HIP1: variants seen among roughly 807,000 people sequenced by gnomAD.
HIP1 encodes huntingtin-interacting protein 1.
HIP1 carries 65 observed loss-of-function variants against 147.6 expected under a neutral mutation model. That is an observed-to-expected ratio of 0.44 (90% CI 0.36 to 0.54). The LOEUF (loss-of-function observed/expected upper bound fraction) is 0.54. HIP1 is among the 20% of genes least tolerant of loss of function. The pLI, the probability that HIP1 is intolerant of heterozygous loss-of-function variation, is 0.00. For missense variants in HIP1, 1,061 were observed against 1,299.6 expected, an observed-to-expected ratio of 0.82 and a Z score of 2.82; for synonymous variants, 479 against 504.0, an observed-to-expected ratio of 0.95 and a Z score of 0.67.
At chr7:75,589,950 G>T (rs1796440221) in intron 4 of HIP1, among the ~76,000 whole-genome samples, 2 of 151,800 alleles carry the variant, frequency 1.3e-5, no homozygotes, top group Admixed American at 1.3e-4. Flanking sequence ...AGCCAGGATG[G>T]TCTCAATCTC....
chr7:75,635,194 C>G (rs1209481572), intron 1 of HIP1, among the ~76,000 whole-genome samples: 1 of 152,090 alleles, frequency 6.6e-6, no homozygotes, highest in Non-Finnish European at 1.5e-5. Context: ...GGGCAGATAT[C>G]TGATGTCATC....
intron 1 of HIP1, among the ~76,000 whole-genome samples, chr7:75,663,203 G>A (rs1234555711): frequency 6.6e-6 from 1 of 152,178 alleles, no homozygotes; most frequent in Non-Finnish European, 1.5e-5. Context: ...TGTGCACCAG[G>A]TGTGTGCCAG....
intron 1 of HIP1, among the ~76,000 whole-genome samples, chr7:75,645,460 C>T (rs1798772843): frequency 6.6e-6 from 1 of 152,142 alleles, no homozygotes; most frequent in Admixed American, 6.6e-5. Flanking sequence ...CTCCTGACCT[C>T]AGGTGATCTG....
At chr7:75,574,581 C>A (rs794350) in intron 7 of HIP1, among the ~76,000 whole-genome samples, 1 of 134,708 alleles carries the variant, frequency 7.4e-6, no homozygotes, top group Non-Finnish European at 1.6e-5. Context: ...AAGAGTAAGA[C>A]ACCATCTCAA....
chr7:75,595,229 TTTCTTTC>T (rs1796661752), intron 2 of HIP1, among the ~76,000 whole-genome samples: 2 of 107,208 alleles, frequency 1.9e-5, no homozygotes, highest in South Asian at 6.7e-4. Context: ...TCTTTCTTTC[TTTCTTTC>T]TTTCTTTCTT....
chr7:75,544,321 C>G (rs56151856), intron 27 of HIP1, among the ~76,000 whole-genome samples: 21,196 of 152,154 alleles, frequency 0.14, 1,666 homozygotes, highest in South Asian at 0.19. Context: ...ACTATCTAAC[C>G]TAGCCAAGTA....
chr7:75,665,793 G>A (rs1488650726), intron 1 of HIP1, among the ~76,000 whole-genome samples: 3 of 152,040 alleles, frequency 2.0e-5, no homozygotes, highest in Non-Finnish European at 2.9e-5. Context: ...CGCCTGCTTC[G>A]GCCTCCCAAA....
At chr7:75,574,354 T>G (rs1584817950) in intron 7 of HIP1, among the ~76,000 whole-genome samples, 1 of 151,230 alleles carries the variant, frequency 6.6e-6, no homozygotes, top group Non-Finnish European at 1.5e-5. Flanking sequence ...TTTAGGAGGC[T>G]GAGGCGGGTG....
intron 1 of HIP1, among the ~76,000 whole-genome samples, chr7:75,669,066 A>C (rs1450284056): frequency 6.8e-6 from 1 of 148,134 alleles, no homozygotes; most frequent in Non-Finnish European, 1.5e-5. Context: ...TAAAACAAAC[A>C]AACAAACAAA....
chr7:75,597,829 C>T (rs1344140369), intron 2 of HIP1, among the ~76,000 whole-genome samples: 1 of 151,710 alleles, frequency 6.6e-6, no homozygotes, highest in Non-Finnish European at 1.5e-5. Context: ...GCTTAGCCAC[C>T]CCCCTGGCAG....
intron 1 of HIP1, among the ~76,000 whole-genome samples, chr7:75,697,046 G>A (rs572160990): frequency 1.4e-4 from 21 of 150,586 alleles, no homozygotes; most frequent in Admixed American, 4.6e-4. Flanking sequence ...TTTTTAAGTC[G>A]ACCTGGAATT....
intron 1 of HIP1, among the ~76,000 whole-genome samples, chr7:75,616,994 C>A (rs202016465): frequency 1.3e-5 from 2 of 152,004 alleles, no homozygotes; most frequent in East Asian, 1.9e-4. Context: ...CAGCCTCGAC[C>A]TCCTGGGCTC....
At chr7:75,551,929 G>A (rs1305091588) in intron 22 of HIP1, among the ~76,000 whole-genome samples, 6 of 151,986 alleles carry the variant, frequency 3.9e-5, no homozygotes, top group African/African-American at 1.4e-4. Context: ...CGCTCCTGTT[G>A]CCCAGGTTGG....
At chr7:75,583,279 C>A (rs1352927559) in intron 5 of HIP1, among the ~76,000 whole-genome samples, 1 of 152,128 alleles carries the variant, frequency 6.6e-6, no homozygotes, top group African/African-American at 2.4e-5. Flanking sequence ...GGAAGACCTG[C>A]TGAGAGCCTG....
At chr7:75,544,267 T>G (rs1297080879) in intron 27 of HIP1, among the ~76,000 whole-genome samples, 3 of 151,690 alleles carry the variant, frequency 2.0e-5, no homozygotes, top group African/African-American at 2.4e-5. Flanking sequence ...GAGCCCTGGA[T>G]AGATCATTTG....
intron 1 of HIP1, among the ~76,000 whole-genome samples, chr7:75,721,323 G>A (rs1354775144): frequency 1.3e-5 from 2 of 151,582 alleles, no homozygotes; most frequent in South Asian, 2.1e-4. Flanking sequence ...GCAGTGAGCC[G>A]AGATTGCACC....
intron 1 of HIP1, among the ~76,000 whole-genome samples, chr7:75,735,328 A>C (rs140207183): frequency 1.9e-4 from 29 of 152,302 alleles, no homozygotes; most frequent in African/African-American, 6.7e-4. Context: ...ACTTCTGGTG[A>C]GTTACTTAAC....
chr7:75,561,323 T>C lies in HIP1; in HGVS notation c.1191+6A>G, dbSNP rs782513157. The C allele has an allele frequency of 6.3e-7, 1 of 1,597,924 alleles. No homozygotes were observed. Among genetic ancestry groups the C allele is most frequent in the South Asian group, 1.1e-5 (1 of 90,784 alleles). The stretch of plus-strand genomic sequence containing the variant: ...AGCGCAAAGGCAGAGCAGATCCAAG[T>C]TATACCTCAGTCTTCATGTTTTCTA... On this transcript the variant is annotated splice_donor_region_variant and intron_variant, in intron 13 of 30. Transcript: ENST00000336926.
At chr7:75,630,691 G>A (rs1396329899) in intron 1 of HIP1, among the ~76,000 whole-genome samples, 2 of 151,928 alleles carry the variant, frequency 1.3e-5, no homozygotes, top group Non-Finnish European at 2.9e-5. Flanking sequence ...TCCTTAAGTT[G>A]CCGGCTGGTT....
Sources: allele counts gnomAD v4.1 joint callset (sites outside exome capture counted in the v4.1 genomes callset), GRCh38; gene constraint gnomAD v4.1.1; transcripts MANE v1.5; gene names NCBI Gene and HGNC (gene_info 2026-07-23, HGNC 2026-07-21).